Variants in MRC1 observed in about 807,000 individuals in gnomAD.
MRC1 encodes macrophage mannose receptor 1.
Under a neutral mutation model 102.9 loss-of-function variants are expected in MRC1, and 62 were observed. That is an observed-to-expected ratio of 0.60 (90% CI 0.49 to 0.74). The LOEUF is 0.74. Among genes scored for constraint, MRC1 ranks in the 30% least tolerant of loss-of-function variants. The pLI is 0.00. For missense variants in MRC1, 1,237 were observed against 862.8 expected, an observed-to-expected ratio of 1.43 and a Z score of -5.43; for synonymous variants, 457 against 298.4, an observed-to-expected ratio of 1.53 and a Z score of -5.48.
chr10:17,851,536 C>T (rs1485185658), intron 7 of MRC1, among the ~76,000 whole-genome samples: 1 of 152,140 alleles, frequency 6.6e-6, no homozygotes, highest in Non-Finnish European at 1.5e-5. Context: ...ACTTTACACT[C>T]ACATCTTATA....
chr10:17,898,313 G>A (rs979555562), intron 24 of MRC1, 47 bp downstream of exon 24: 4 of 780,526 alleles, frequency 5.1e-6, no homozygotes, highest in African/African-American at 5.1e-5. Context: ...AGTGAATTAT[G>A]GTTGAATATG....
intron 3 of MRC1, among the ~76,000 whole-genome samples, chr10:17,829,022 C>T (rs1198728709): frequency 6.6e-6 from 1 of 151,434 alleles, no homozygotes; most frequent in South Asian, 2.1e-4. Context: ...TTACCCCCGA[C>T]CTCTCACCTG....
In MRC1 at chr10:17,823,379, C is replaced by G; in HGVS notation, c.367C>G (p.Gln123Glu). The change falls in exon 2 of 30, where the codon CAA becomes GAA. Residue 123 changes from glutamine to glutamate, a missense_variant. By Grantham distance (29) the Gln-to-Glu change is conservative. Transcript: ENST00000569591. ...EDLFFNYGNR[Q>E]EKNIMLYKGS... ...TTTATTTTTTAACTACGGCAACAGA[C>G]AAGAAAAGAATATTATGCTCTACAA... is the stretch of plus-strand genomic sequence containing the variant. 1 of 780,748 alleles carries G rather than the reference C, an allele frequency of 1.3e-6. No individual in the cohort carries two copies. Among genetic ancestry groups the G allele is most frequent in the South Asian group, 1.3e-5 (1 of 74,612 alleles). 48.4% of individuals were successfully genotyped at this position (780,748 alleles called of 1,614,324 possible). A position where few individuals can be genotyped will look rare whatever the true frequency, so the allele number is the denominator to read the frequency against.
At chr10:17,891,312 G>A (rs1180010565) in intron 22 of MRC1, among the ~76,000 whole-genome samples, 1 of 151,544 alleles carries the variant, frequency 6.6e-6, no homozygotes, top group Admixed American at 6.6e-5. Flanking sequence ...GACTACAGGC[G>A]CCCGCCACCA....
intron 2 of MRC1, among the ~76,000 whole-genome samples, 157 bp from the exon 3 acceptor site, chr10:17,827,372 CAAAAAAAAAAAAA>C (rs782616938): frequency 1.9e-4 from 12 of 64,052 alleles, no homozygotes; most frequent in Non-Finnish European, 2.5e-4. Context: ...AAAAAATACC[CAAAAAAAAAAAAA>C]AAAAAAAAAA....
At chr10:17,850,781 G>GA (rs1838902773) in intron 7 of MRC1, among the ~76,000 whole-genome samples, 1 of 151,980 alleles carries the variant, frequency 6.6e-6, no homozygotes. Flanking sequence ...GGGAGGGGAG[G>GA]AAAAAGCAAC....
intron 26 of MRC1, among the ~76,000 whole-genome samples, chr10:17,904,879 C>T (rs1833876068): frequency 1.3e-5 from 2 of 152,196 alleles, no homozygotes. Context: ...CTCCTATGAA[C>T]ATCCCATTCC....
intron 22 of MRC1, among the ~76,000 whole-genome samples, chr10:17,886,608 G>T (rs1158259051): frequency 1.3e-5 from 2 of 152,094 alleles, no homozygotes; most frequent in Non-Finnish European, 2.9e-5. Context: ...TACCATATTG[G>T]CCAGGGTGGC....
chr10:17,812,463 C>A (rs1838238315), intron 1 of MRC1, among the ~76,000 whole-genome samples: 1 of 151,678 alleles, frequency 6.6e-6, no homozygotes, highest in South Asian at 2.1e-4. Flanking sequence ...TGCTGTTTTG[C>A]TGTTTACTGA....
chr10:17,879,901 TG>T, intron 19 of MRC1, 80 bp downstream of exon 19: 1 of 779,928 alleles, frequency 1.3e-6, no homozygotes, highest in South Asian at 1.3e-5. Context: ...AGTAGCAAGT[TG>T]TGTGCTTACA....
intron 1 of MRC1, among the ~76,000 whole-genome samples, chr10:17,813,663 A>G (rs1253295510): frequency 2.7e-5 from 2 of 73,068 alleles, no homozygotes; most frequent in African/African-American, 9.6e-5. Flanking sequence ...ATATATATAT[A>G]CACACACACA....
chr10:17,908,331 A>G (rs1833923503), intron 28 of MRC1, among the ~76,000 whole-genome samples: 1 of 152,108 alleles, frequency 6.6e-6, no homozygotes, highest in Non-Finnish European at 1.5e-5. Context: ...CTGGAGTGCA[A>G]TGGTGCGATC....
Position 17,870,918 on chromosome 10 carries a change from T to C in MRC1, c.2182T>C (p.Trp728Arg). The C allele has an allele frequency of 1.1e-6, 1 of 872,406 alleles. No homozygotes were observed. Among genetic ancestry groups the C allele is most frequent in the Non-Finnish European group, 2.0e-6 (1 of 501,210 alleles). The allele number at this position is 872,406 out of a possible 1,614,324, so 54.0% of individuals were successfully genotyped here. Residue 728 changes from tryptophan (W) to arginine (R), a missense_variant, in exon 14 of 30, where the codon TGG (tryptophan) becomes CGG (arginine). Trp to Arg is a moderately radical substitution (Grantham distance 101, BLOSUM62 -3). Transcript: ENST00000569591. The part of the protein sequence containing the change: ...TYGSPSEGFT[W>R]SDGSPVSYEN... ...TGGAAGCCCTTCAGAAGGTTTTACTTGGAGTGATGGTTCTCCTGTGAGTAA... is the reference window on the plus strand; with the variant it reads ...TGGAAGCCCTTCAGAAGGTTTTACTCGGAGTGATGGTTCTCCTGTGAGTAA...
At chr10:17,863,723 G>C in intron 11 of MRC1, 41 bp downstream of exon 11, 1 of 774,814 alleles carries the variant, frequency 1.3e-6, no homozygotes, top group East Asian at 2.4e-5. Flanking sequence ...TTCACCCTAC[G>C]AATCTGTTAG....
chr10:17,817,887 A>T (rs946104165), intron 1 of MRC1, among the ~76,000 whole-genome samples: 2 of 152,236 alleles, frequency 1.3e-5, no homozygotes, highest in Non-Finnish European at 2.9e-5. Context: ...AAGAAGTATG[A>T]CATTTTAAGT....
At chr10:17,830,070 G>C (rs1838545793) in intron 3 of MRC1, among the ~76,000 whole-genome samples, 1 of 151,232 alleles carries the variant, frequency 6.6e-6, no homozygotes, top group Middle Eastern at 3.2e-3. Flanking sequence ...TTCTTAAAGG[G>C]CTTTATAGTC....
chr10:17,896,708 G>T (rs1833759855), intron 23 of MRC1, among the ~76,000 whole-genome samples: 1 of 152,062 alleles, frequency 6.6e-6, no homozygotes, highest in Admixed American at 6.6e-5. Flanking sequence ...AGGCAGGAGG[G>T]TTGCTTGAGG....
At chr10:17,845,072 A>G (rs1838805455) in intron 5 of MRC1, 1 of 771,352 alleles carries the variant, frequency 1.3e-6, no homozygotes, top group African/African-American at 1.7e-5. Context: ...CTTTATCAAC[A>G]TTCTAAGTAT....
At chr10:17,904,919 G>A (rs887773561) in intron 26 of MRC1, among the ~76,000 whole-genome samples, 3 of 152,086 alleles carry the variant, frequency 2.0e-5, no homozygotes, top group Non-Finnish European at 4.4e-5. Flanking sequence ...TTTTCAATTC[G>A]CTAGTTGTTT....
Sources: gnomAD v4.1 joint callset for allele counts (sites outside exome capture counted in the v4.1 genomes callset) on GRCh38, gnomAD v4.1.1 for gene constraint, MANE v1.5 for transcripts, NCBI Gene and HGNC (gene_info 2026-07-23, HGNC 2026-07-21) for gene names.